ZNF141: variants seen among roughly 807,000 people sequenced by gnomAD.
ZNF141 encodes the protein zinc finger protein 141.
ZNF141 carries 7 observed loss-of-function variants against 11.3 expected under a neutral mutation model. That is an observed-to-expected ratio of 0.62 (90% CI 0.35 to 1.16). The LOEUF is 1.16. Ranked by LOEUF, ZNF141 falls within the 50% of genes most tolerant of loss-of-function variation. ZNF141 has a pLI of 0.02. For missense variants in ZNF141, 535 were observed against 554.0 expected (o/e 0.97, Z 0.34); for synonymous variants, 183 against 190.7 (o/e 0.96, Z 0.33).
chr4:358,066 G>A (rs1184294491), intron 3 of ZNF141: 3 of 272,394 alleles, frequency 1.1e-5, no homozygotes, highest in African/African-American at 7.2e-5. Context: ...TTACTTTTAA[G>A]TTTGCTTATT....
chr4:381,688 C>T lies in ZNF141; in HGVS notation c.*7826C>T, dbSNP rs575614648. ...CCTCCCAAAGTGCTGGGATTACAGG[C>T]GTGAGCCACCATGCCCTCAAATATG... On this transcript the variant is annotated 3_prime_UTR_variant, in exon 4 of 4. Transcript: ENST00000240499. Among the ~76,000 whole-genome samples the T allele has an allele frequency of 1.2e-4, 19 of 152,088 alleles. No individual in the cohort carries two copies. The South Asian group carries it at 2.7e-3, about 22-fold the overall frequency.
chr4:342,557 C>T (rs1191449570), intron 1 of ZNF141, among the ~76,000 whole-genome samples: 1 of 152,092 alleles, frequency 6.6e-6, no homozygotes, highest in African/African-American at 2.4e-5. Context: ...TTCAAACCTG[C>T]AGAATTTTGT....
intron 3 of ZNF141, among the ~76,000 whole-genome samples, chr4:357,632 G>GCT (rs1721904445): frequency 6.6e-6 from 1 of 151,440 alleles, no homozygotes; most frequent in African/African-American, 2.4e-5. Context: ...AACCTCTTAA[G>GCT]AGATGTACAT....
Position 343,819 on chromosome 4 carries a change from C to G in ZNF141, c.41C>G (p.Ser14Cys). The change falls in exon 2 of 4, where the codon TCT (serine) becomes TGT (cysteine). Residue 14 changes from serine (S) to cysteine (C), a missense_variant. Physicochemically the swap from Ser to Cys is moderately radical, Grantham distance 112 (BLOSUM62 -1). Coordinates refer to ENST00000240499, the MANE Select transcript of ZNF141 (RefSeq NM_003441.4). ...TTCAGGGATGTGGCCATAGAATTCT[C>G]TCCAGAAGAGTGGAAATGCCTGGAC... ...LTFRDVAIEFSPEEWKCLDPD... is the reference protein window; with the variant it reads ...LTFRDVAIEFCPEEWKCLDPD... 1 of 1,595,750 alleles carries G rather than the reference C, an allele frequency of 6.3e-7. No individual in the cohort carries two copies. Among genetic ancestry groups the G allele is most frequent in the Non-Finnish European group, 8.5e-7 (1 of 1,170,718 alleles).
chr4:372,372 G>A (rs1431727444), intron 3 of ZNF141, among the ~76,000 whole-genome samples: 4 of 152,238 alleles, frequency 2.6e-5, no homozygotes, highest in Admixed American at 1.3e-4. Flanking sequence ...TATTGGGGAG[G>A]AGGAAGAGCT....
At chr4:353,063 A>C (rs1389088233) in intron 3 of ZNF141, among the ~76,000 whole-genome samples, 2 of 152,042 alleles carry the variant, frequency 1.3e-5, no homozygotes, top group Non-Finnish European at 2.9e-5. Flanking sequence ...CAAACTCCAT[A>C]TATTTGGTGT....
At chr4:347,136 C>G (rs1387407668) in intron 3 of ZNF141, among the ~76,000 whole-genome samples, 1 of 149,672 alleles carries the variant, frequency 6.7e-6, no homozygotes, top group East Asian at 2.0e-4. Flanking sequence ...GTCCTGGGTT[C>G]AAGCAATTCT....
intron 3 of ZNF141, among the ~76,000 whole-genome samples, chr4:359,074 A>G (rs1434700361): frequency 6.6e-6 from 1 of 152,144 alleles, no homozygotes; most frequent in Non-Finnish European, 1.5e-5. Flanking sequence ...GTCATTACAG[A>G]CTAGTTTAGG....
chr4:372,536 G>A (rs1393229473), intron 3 of ZNF141, 128 bp from the exon 4 acceptor site: 1 of 777,478 alleles, frequency 1.3e-6, no homozygotes, highest in African/African-American at 1.8e-5. Context: ...TGTCTGTGAA[G>A]AAGTTATGGC....
At chr4:359,596 C>T (rs1443264691) in intron 3 of ZNF141, among the ~76,000 whole-genome samples, 6 of 152,052 alleles carry the variant, frequency 3.9e-5, no homozygotes, top group African/African-American at 1.4e-4. Flanking sequence ...CCTCTAGCTG[C>T]CAGGGACTGG....
rs1712838133 is a variant in ZNF141, at chr4:384,765, A to G, written c.*10903A>G. On this transcript the variant is annotated 3_prime_UTR_variant, in exon 4 of 4. Coordinates refer to ENST00000240499, the MANE Select transcript of ZNF141 (RefSeq NM_003441.4). ...CAGAAGACTTCCTCGTTCTTGCCAC[A>G]TAAAAGACCCAGAACTCAGCCCCAT... 1 of 152,236 alleles carries G rather than the reference A, an allele frequency of 6.6e-6. No homozygotes were observed. The highest frequency in any genetic ancestry group is 6.5e-5 in the Admixed American group (1 of 15,278). 9.4% of individuals were successfully genotyped at this position (152,236 alleles called of 1,614,324 possible).
Position 373,148 on chromosome 4 carries a change from C to G in ZNF141, c.711C>G (p.Thr237=), listed in dbSNP as rs377035196. ...FTCEECGSIF[T]TSSHFAKHKI... ...GTGAAGAATGTGGCAGCATCTTTAC[C>G]ACATCCTCACACTTTGCTAAGCATA... The change falls in exon 4 of 4, where the codon ACC becomes ACG. Residue 237 remains threonine (T), a synonymous_variant. Transcript: ENST00000240499. 1 of 1,612,248 alleles carries G rather than the reference C, an allele frequency of 6.2e-7. No homozygotes were observed. The highest frequency in any genetic ancestry group is 1.3e-5 in the African/African-American group (1 of 74,358).
intron 3 of ZNF141, among the ~76,000 whole-genome samples, chr4:346,289 C>G (rs1721314787): frequency 1.3e-5 from 2 of 152,158 alleles, no homozygotes; most frequent in Non-Finnish European, 2.9e-5. Context: ...TAAGTGAGGA[C>G]TTACTGTACA....
intron 3 of ZNF141, among the ~76,000 whole-genome samples, chr4:349,123 A>G (rs782028874): frequency 2.0e-5 from 3 of 152,112 alleles, no homozygotes; most frequent in African/African-American, 4.8e-5. Context: ...TTTTTACTCT[A>G]TGGAAATGCA....
chr4:383,269 C>A lies in ZNF141; in HGVS notation c.*9407C>A. 2 of 633,706 alleles carry A rather than the reference C, an allele frequency of 3.2e-6. No individual in the cohort carries two copies. The highest frequency in any genetic ancestry group is 2.8e-6 in the Non-Finnish European group (1 of 356,826). The allele number at this position is 633,706 out of a possible 1,614,324, so 39.3% of individuals were successfully genotyped here. On this transcript the variant is annotated 3_prime_UTR_variant, in exon 4 of 4. Coordinates refer to ENST00000240499, the MANE Select transcript of ZNF141 (RefSeq NM_003441.4). ...GCCAAACTGAGCCCAGAAGAATGGC[C>A]CGGCTGAGCCCAGCCTAAATTTCTA... is the stretch of plus-strand genomic sequence containing the variant.
chr4:366,779 A>G (rs781862973), intron 3 of ZNF141, among the ~76,000 whole-genome samples: 6 of 152,156 alleles, frequency 3.9e-5, no homozygotes, highest in Non-Finnish European at 7.3e-5. Context: ...GGTTCAAGCA[A>G]TTCTCCTGCC....
At chr4:360,106 A>G (rs565637990) in intron 3 of ZNF141, among the ~76,000 whole-genome samples, 30 of 152,334 alleles carry the variant, frequency 2.0e-4, no homozygotes, top group Non-Finnish European at 1.9e-4. Context: ...CACCCTCTCA[A>G]TACAGCCCTC....
At chr4:363,036 C>T (rs1459958268) in intron 3 of ZNF141, among the ~76,000 whole-genome samples, 11 of 152,058 alleles carry the variant, frequency 7.2e-5, no homozygotes, top group Admixed American at 2.0e-4. Flanking sequence ...CATTTGTTTG[C>T]GTCCTCTTTT....
intron 1 of ZNF141, among the ~76,000 whole-genome samples, chr4:339,523 G>A (rs1386884916): frequency 6.6e-6 from 1 of 152,246 alleles, no homozygotes; most frequent in East Asian, 1.9e-4. Context: ...TCAAGACCAT[G>A]CCTTTAGACC....
Sources: gnomAD v4.1 joint callset for allele counts (sites outside exome capture counted in the v4.1 genomes callset) on GRCh38, gnomAD v4.1.1 for gene constraint, MANE v1.5 for transcripts, NCBI Gene and HGNC (gene_info 2026-07-23, HGNC 2026-07-21) for gene names.